PPFIBP1: variants seen among roughly 807,000 people sequenced by gnomAD.
The protein encoded by PPFIBP1 is liprin-beta-1.
PPFIBP1 carries 112 observed loss-of-function variants against 137.8 expected under a neutral mutation model. The observed-to-expected ratio is 0.81, with a 90% CI of 0.70 to 0.95. The LOEUF is 0.95. PPFIBP1 is among the 40% of genes least tolerant of loss of function. The pLI is 0.00. For missense variants in PPFIBP1, 1,083 were observed against 1,196.6 expected, an observed-to-expected ratio of 0.91 and a Z score of 1.40; for synonymous variants, 378 against 417.3, an observed-to-expected ratio of 0.91 and a Z score of 1.15.
At chr12:27,584,676 GA>G (rs1221855853) in intron 2 of PPFIBP1, among the ~76,000 whole-genome samples, 16 of 152,358 alleles carry the variant, frequency 1.1e-4, no homozygotes, top group Non-Finnish European at 2.4e-4. Context: ...GGTATAGCCA[GA>G]CCAATGTTTT....
At chr12:27,579,889 G>A (rs1056679529) in intron 2 of PPFIBP1, among the ~76,000 whole-genome samples, 1 of 152,170 alleles carries the variant, frequency 6.6e-6, no homozygotes, top group African/African-American at 2.4e-5. Context: ...TTACTCTTGT[G>A]GGGTGTGGCC....
intron 1 of PPFIBP1, among the ~76,000 whole-genome samples, chr12:27,540,223 A>AT (rs549113210): frequency 0.16 from 23,581 of 146,114 alleles, 2,134 homozygotes; most frequent in Middle Eastern, 0.27. Flanking sequence ...TGTCTGGCTA[A>AT]TTTTTTTTTT....
intron 26 of PPFIBP1, 132 bp downstream of exon 26, chr12:27,688,555 C>T (rs2061330713): frequency 2.7e-6 from 3 of 1,107,010 alleles, no homozygotes; most frequent in South Asian, 3.2e-5. Flanking sequence ...TTCTAGTAAA[C>T]CTTTACTTTC....
intron 1 of PPFIBP1, among the ~76,000 whole-genome samples, chr12:27,565,222 G>A (rs2049541682): frequency 6.6e-6 from 1 of 152,168 alleles, no homozygotes; most frequent in South Asian, 2.1e-4. Flanking sequence ...GAAATGAAAG[G>A]GGTGTTAGGC....
chr12:27,593,427 TAG>T (rs1467104955), intron 2 of PPFIBP1: 1 of 455,700 alleles, frequency 2.2e-6, no homozygotes, highest in African/African-American at 2.0e-5. Flanking sequence ...CCTTAAGCCT[TAG>T]AGGAGTCTGT....
chr12:27,581,268 C>T (rs2051085597), intron 2 of PPFIBP1, among the ~76,000 whole-genome samples: 1 of 152,164 alleles, frequency 6.6e-6, no homozygotes, highest in South Asian at 2.1e-4. Flanking sequence ...GTAAGCAACA[C>T]CCTAGTCTCT....
intron 2 of PPFIBP1, chr12:27,584,202 G>C (rs938441389): frequency 6.6e-6 from 1 of 152,270 alleles, no homozygotes; most frequent in African/African-American, 2.4e-5. Flanking sequence ...CCTGAAGGAA[G>C]CTGACCTCAC....
At chr12:27,547,078 C>G in intron 1 of PPFIBP1, 1 of 152,196 alleles carries the variant, frequency 6.6e-6, no homozygotes. Context: ...TTAGGTGGAA[C>G]TGTTCTTGCC....
intron 2 of PPFIBP1, among the ~76,000 whole-genome samples, chr12:27,609,704 A>T (rs1336090268): frequency 6.6e-6 from 1 of 152,124 alleles, no homozygotes; most frequent in Non-Finnish European, 1.5e-5. Flanking sequence ...CCTGCATGAC[A>T]TGGCCTCACC....
In PPFIBP1 at chr12:27,667,244, TG is replaced by T. The variant is rs2059913360; in HGVS notation, c.1072del (p.Glu358ArgfsTer9). On this transcript the variant is annotated frameshift_variant, in exon 13 of 30. Coordinates refer to ENST00000228425, the MANE Select transcript of PPFIBP1 (RefSeq NM_003622.4). LOFTEE classifies it high-confidence loss of function. The part of the protein sequence containing the change: ...SLLDAQGFSD[L>X]EKSPSPTPVM... ...CTGGATGCACAGGGTTTCAGTGATC[TG>T]GAGAAAAGTCCATCACCCACTCCAG... 1 of 1,613,802 alleles carries T rather than the reference TG, an allele frequency of 6.2e-7. No individual in the cohort carries two copies. The highest frequency in any genetic ancestry group is 1.7e-5 in the Admixed American group (1 of 59,958).
intron 1 of PPFIBP1, among the ~76,000 whole-genome samples, chr12:27,558,745 G>A (rs1287002375): frequency 6.6e-6 from 1 of 152,118 alleles, no homozygotes; most frequent in East Asian, 1.9e-4. Flanking sequence ...CGGAAGTTGT[G>A]TTATCGCAAA....
At chr12:27,688,959 A>C in intron 26 of PPFIBP1, 56 bp from the exon 27 acceptor site, 1 of 1,554,656 alleles carries the variant, frequency 6.4e-7, no homozygotes, top group East Asian at 2.2e-5. Flanking sequence ...AGCACAATAC[A>C]AACATGTATG....
At chr12:27,547,529 G>C (rs571384348) in intron 1 of PPFIBP1, 1 of 152,214 alleles carries the variant, frequency 6.6e-6, no homozygotes, top group African/African-American at 2.4e-5. Context: ...TCTTAAATTA[G>C]GTTCCCTAGA....
chr12:27,676,197 T>C (rs1462871808), intron 17 of PPFIBP1, among the ~76,000 whole-genome samples: 9 of 152,254 alleles, frequency 5.9e-5, no homozygotes, highest in Non-Finnish European at 1.2e-4. Flanking sequence ...TCTAGATTAG[T>C]GATGAACATG....
At chr12:27,537,959 C>T (rs552730394) in intron 1 of PPFIBP1, among the ~76,000 whole-genome samples, 14 of 152,248 alleles carry the variant, frequency 9.2e-5, no homozygotes, top group African/African-American at 1.7e-4. Flanking sequence ...CCGTTCATAA[C>T]GGAAATTGGG....
chr12:27,654,866 T>C lies in PPFIBP1; in HGVS notation c.696+52T>C, dbSNP rs548952184. The C allele has an allele frequency of 7.0e-6, 11 of 1,565,106 alleles. No individual in the cohort carries two copies. The East Asian group carries it at 2.3e-4, about 33-fold the overall frequency. On this transcript the variant is annotated intron_variant, in intron 8 of 29. Coordinates refer to ENST00000228425, the MANE Select transcript of PPFIBP1 (RefSeq NM_003622.4). ...TTCAAACAAATGGCATCACTATTCA[T>C]CTATGCCCAATAATATAAATAAGAT... is the stretch of plus-strand genomic sequence containing the variant.
intron 2 of PPFIBP1, chr12:27,593,644 T>G: frequency 2.0e-6 from 1 of 506,424 alleles, no homozygotes; most frequent in Non-Finnish European, 3.6e-6. Context: ...TGCACAAGAT[T>G]ATTCAGTTTG....
intron 2 of PPFIBP1, among the ~76,000 whole-genome samples, chr12:27,597,894 C>T (rs2053501937): frequency 6.6e-6 from 1 of 152,196 alleles, no homozygotes; most frequent in Non-Finnish European, 1.5e-5. Context: ...CAACCTCTGT[C>T]TCCAGGGTTC....
At chr12:27,684,475 C>A (rs1250067088) in intron 24 of PPFIBP1, among the ~76,000 whole-genome samples, 6 of 152,140 alleles carry the variant, frequency 3.9e-5, no homozygotes, top group Admixed American at 3.9e-4. Context: ...TAAGTATAAT[C>A]TTTTTCAAGT....
Sources: gnomAD v4.1 joint callset for allele counts (sites outside exome capture counted in the v4.1 genomes callset) on GRCh38, gnomAD v4.1.1 for gene constraint, MANE v1.5 for transcripts, NCBI Gene and HGNC (gene_info 2026-07-23, HGNC 2026-07-21) for gene names.